The following EGFL6 variants were observed in gnomAD, a reference collection of about 807,000 sequenced individuals.
EGFL6 encodes the protein EGF like domain multiple 6, also known as epidermal growth factor-like protein 6.
In EGFL6, 42 loss-of-function variants were observed where a neutral mutation model predicts 43.1. That is an observed-to-expected ratio of 0.98 (90% CI 0.76 to 1.26). The LOEUF is 1.26. Ranked by LOEUF, EGFL6 falls within the 50% of genes most tolerant of loss-of-function variation. The pLI is 0.00. For missense variants in EGFL6, 429 were observed against 427.8 expected, an observed-to-expected ratio of 1.00 and a Z score of -0.02; for synonymous variants, 164 against 163.2, an observed-to-expected ratio of 1.01 and a Z score of -0.04.
chrX:13,626,291 C>T, intron 10 of EGFL6, among the ~76,000 whole-genome samples: 1 of 111,742 alleles, frequency 8.9e-6, no homozygotes, highest in Non-Finnish European at 1.9e-5. Context: ...ACCCATTCCC[C>T]AATGTCTTCT....
At chrX:13,619,265 G>A (rs1012968679) in intron 9 of EGFL6, 22 bp downstream of exon 9, 10 of 1,147,702 alleles carry the variant, frequency 8.7e-6, no homozygotes, top group African/African-American at 1.8e-5. Context: ...TTTCTCCCAA[G>A]TGTATGCTCT....
rs781659054 is a variant in EGFL6, at chrX:13,619,899, G to A, written c.1183+656G>A. Among the ~76,000 whole-genome samples, 9 of 111,418 alleles carry A rather than the reference G, an allele frequency of 8.1e-5. 1 individual carries two copies. Among genetic ancestry groups the A allele is most frequent in the Non-Finnish European group, 1.7e-4 (9 of 53,091 alleles). The stretch of plus-strand genomic sequence containing the variant: ...CATGTGGTCTCTCATCCTCCAGCAG[G>A]CTAGTCCAAGCTGTTTCTCATGAGG... On this transcript the variant is annotated intron_variant, in intron 9 of 11. Coordinates refer to ENST00000361306, the MANE Select transcript of EGFL6 (RefSeq NM_015507.4).
At chrX:13,631,202 T>C (rs923426859) in intron 11 of EGFL6, among the ~76,000 whole-genome samples, 1 of 112,128 alleles carries the variant, frequency 8.9e-6, no homozygotes, top group African/African-American at 3.2e-5. Context: ...TCTATGTTTG[T>C]TCCAGGGTAA....
chrX:13,588,821 G>C (rs143618405), intron 1 of EGFL6, among the ~76,000 whole-genome samples: 1 of 112,531 alleles, frequency 8.9e-6, no homozygotes. Flanking sequence ...ACAGTCATGC[G>C]CATCTGTTTA....
intron 7 of EGFL6, 35 bp downstream of exon 7, chrX:13,608,481 C>G (rs1238875331): frequency 1.7e-6 from 2 of 1,192,185 alleles, no homozygotes; most frequent in African/African-American, 3.5e-5. Context: ...CTTAGCTATT[C>G]CCAATGAAGC....
intron 10 of EGFL6, 37 bp from the exon 11 acceptor site, chrX:13,626,974 G>C: frequency 1.7e-6 from 2 of 1,188,307 alleles, no homozygotes; most frequent in Non-Finnish European, 2.3e-6. Flanking sequence ...CCTTACAATT[G>C]CCTCATTAAT....
chrX:13,613,380 G>C (rs2045702982), intron 7 of EGFL6, among the ~76,000 whole-genome samples: 2 of 109,837 alleles, frequency 1.8e-5, no homozygotes, highest in Admixed American at 2.0e-4. Flanking sequence ...CAGATAATTT[G>C]GTCTTGATTT....
Position 13,611,301 on chromosome X carries a change from C to T in EGFL6, c.778+2855C>T, listed in dbSNP as rs536974293. Among the ~76,000 whole-genome samples, 15 of 111,830 alleles carry T rather than the reference C, an allele frequency of 1.3e-4. No individual in the cohort carries two copies. In the South Asian group the frequency reaches 1.9e-3, roughly 14 times the overall value. On this transcript the variant is annotated intron_variant, in intron 7 of 11. Coordinates refer to ENST00000361306, the MANE Select transcript of EGFL6 (RefSeq NM_015507.4). The stretch of plus-strand genomic sequence containing the variant: ...CATATAGTAGATGCTCATTAAAGTT[C>T]GCTGTGATTGTTATTGTTATTAGTA...
intron 1 of EGFL6, among the ~76,000 whole-genome samples, chrX:13,579,756 A>G (rs190221666): frequency 9.0e-6 from 1 of 110,975 alleles, no homozygotes; most frequent in Non-Finnish European, 1.9e-5. Flanking sequence ...GTTACAATCA[A>G]GTTGTTGATC....
chrX:13,582,427 T>G (rs2045512277), intron 1 of EGFL6, among the ~76,000 whole-genome samples: 1 of 111,049 alleles, frequency 9.0e-6, no homozygotes, highest in Admixed American at 9.6e-5. Context: ...TGATGGCAAA[T>G]CTCCTATATC....
chrX:13,594,444 C>T (rs535509220), intron 2 of EGFL6, among the ~76,000 whole-genome samples: 2 of 111,524 alleles, frequency 1.8e-5, no homozygotes, highest in South Asian at 7.6e-4. Context: ...TTCAGTCTGA[C>T]TGATAATGTG....
At chrX:13,589,769 G>T (rs1233319153) in intron 2 of EGFL6, 101 bp downstream of exon 2, 6 of 587,453 alleles carry the variant, frequency 1.0e-5, no homozygotes, top group Non-Finnish European at 1.5e-5. Flanking sequence ...GATCTCTCAG[G>T]CAAGGACATG....
At position 13,614,904 on chromosome X, in the gene EGFL6, C is replaced by T. The variant is rs541081720; in HGVS notation, c.779-2826C>T. On this transcript the variant is annotated intron_variant, in intron 7 of 11. Coordinates refer to ENST00000361306, the MANE Select transcript of EGFL6 (RefSeq NM_015507.4). Reference sequence around the variant, plus strand: ...CTGGGATTACAGGCACCTGCCACCACTCCCAGCTAATTTTTGTATTTTTAG... The same window carrying T: ...CTGGGATTACAGGCACCTGCCACCATTCCCAGCTAATTTTTGTATTTTTAG... Among the ~76,000 whole-genome samples the T allele has an allele frequency of 7.8e-4, 87 of 111,128 alleles. 1 individual carries two copies. In the South Asian group the frequency reaches 0.033, roughly 43 times the overall value.
At chrX:13,591,668 C>T (rs2045563648) in intron 2 of EGFL6, among the ~76,000 whole-genome samples, 1 of 110,888 alleles carries the variant, frequency 9.0e-6, no homozygotes, top group Non-Finnish European at 1.9e-5. Context: ...CCTGCCCCAA[C>T]AAGGAGAGCC....
chrX:13,608,510 T>C, intron 7 of EGFL6, 64 bp downstream of exon 7: 1 of 1,146,562 alleles, frequency 8.7e-7, no homozygotes, highest in South Asian at 2.0e-5. Context: ...CATATCTCCT[T>C]CCTCCCTCTA....
At chrX:13,593,459 G>A (rs896923658) in intron 2 of EGFL6, among the ~76,000 whole-genome samples, 3 of 111,389 alleles carry the variant, frequency 2.7e-5, no homozygotes, top group Non-Finnish European at 3.8e-5. Flanking sequence ...CATGGGAAGC[G>A]GCTAGGCAGA....
intron 1 of EGFL6, among the ~76,000 whole-genome samples, chrX:13,582,013 A>G (rs904337142): frequency 1.8e-5 from 2 of 110,842 alleles, no homozygotes; most frequent in Non-Finnish European, 3.8e-5. Context: ...GTGGCAGAGG[A>G]TGTTGATGGG....
intron 7 of EGFL6, among the ~76,000 whole-genome samples, chrX:13,609,557 GC>G (rs753898580): frequency 2.7e-5 from 3 of 110,889 alleles, no homozygotes; most frequent in Non-Finnish European, 5.7e-5. Context: ...TTCAAGACCA[GC>G]CTGGCCAACA....
chrX:13,612,201 G>T (rs925998750), intron 7 of EGFL6, among the ~76,000 whole-genome samples: 4 of 108,489 alleles, frequency 3.7e-5, no homozygotes, highest in African/African-American at 1.0e-4. Context: ...GCGGCCTTCC[G>T]CAGTGTTTGT....
Sources: allele counts gnomAD v4.1 joint callset (sites outside exome capture counted in the v4.1 genomes callset), GRCh38; gene constraint gnomAD v4.1.1; transcripts MANE v1.5; gene names NCBI Gene and HGNC (gene_info 2026-07-23, HGNC 2026-07-21).